FGF12: variants seen among roughly 807,000 people sequenced by gnomAD.
The protein encoded by FGF12 is fibroblast growth factor 12.
Under a neutral mutation model 23.6 loss-of-function variants are expected in FGF12, and 14 were observed. The observed-to-expected ratio is 0.59, with a 90% confidence interval of 0.39 to 0.93. The LOEUF (loss-of-function observed/expected upper bound fraction) is 0.93. Ranked by LOEUF, FGF12 falls within the 40% of genes least tolerant of loss-of-function variation. FGF12 has a pLI of 0.00. For synonymous variants in FGF12, 62 were observed against 77.3 expected (o/e 0.80, Z 1.04); for missense variants, 175 against 217.8 (o/e 0.80, Z 1.24).
intron 4 of FGF12, among the ~76,000 whole-genome samples, chr3:192,328,352 A>G (rs1003490003): frequency 6.6e-6 from 1 of 152,224 alleles, no homozygotes; most frequent in African/African-American, 2.4e-5. Flanking sequence ...CACATGCGCA[A>G]TGAATGAATC....
At chr3:192,354,689 T>C (rs905024715) in intron 3 of FGF12, among the ~76,000 whole-genome samples, 16 of 152,026 alleles carry the variant, frequency 1.1e-4, no homozygotes, top group African/African-American at 3.6e-4. Flanking sequence ...AAGAACCAAG[T>C]TTTTTGTTTG....
intron 4 of FGF12, among the ~76,000 whole-genome samples, chr3:192,192,520 TACAC>T (rs1716846827): frequency 6.7e-6 from 1 of 149,060 alleles, no homozygotes; most frequent in East Asian, 1.9e-4. Context: ...ATTATATATA[TACAC>T]ACACAGTGGG....
intron 2 of FGF12, among the ~76,000 whole-genome samples, chr3:192,580,588 ATT>A (rs536866184): frequency 7.2e-5 from 11 of 152,010 alleles, no homozygotes; most frequent in Non-Finnish European, 1.5e-4. Flanking sequence ...CAATAAAGAG[ATT>A]TTTTTGTTGT....
intron 4 of FGF12, among the ~76,000 whole-genome samples, chr3:192,218,179 T>C (rs1158674691): frequency 6.6e-6 from 1 of 152,154 alleles, no homozygotes; most frequent in Non-Finnish European, 1.5e-5. Context: ...TATTAATGGA[T>C]CTAAAAAGTG....
At chr3:192,628,273 C>G (rs1715248709) in intron 2 of FGF12, among the ~76,000 whole-genome samples, 1 of 151,960 alleles carries the variant, frequency 6.6e-6, no homozygotes, top group South Asian at 2.1e-4. Context: ...TAGGCTGTTT[C>G]TACTTCAGAG....
At chr3:192,222,195 G>T (rs1383328748) in intron 4 of FGF12, among the ~76,000 whole-genome samples, 4 of 152,146 alleles carry the variant, frequency 2.6e-5, no homozygotes, top group Non-Finnish European at 4.4e-5. Context: ...TTAGTGCTGA[G>T]TAGGTGAAAA....
chr3:192,281,567 T>C (rs1490242862), intron 4 of FGF12, among the ~76,000 whole-genome samples: 1 of 152,154 alleles, frequency 6.6e-6, no homozygotes, highest in African/African-American at 2.4e-5. Flanking sequence ...CATACACCTC[T>C]GAGAGACCCT....
intron 2 of FGF12, among the ~76,000 whole-genome samples, chr3:192,455,525 C>T (rs566626951): frequency 7.9e-4 from 121 of 152,292 alleles, no homozygotes; most frequent in African/African-American, 2.8e-3. Context: ...CCCTTCTGCA[C>T]ACAGGATCTC....
At chr3:192,190,895 T>C (rs535994849) in intron 4 of FGF12, among the ~76,000 whole-genome samples, 2 of 152,218 alleles carry the variant, frequency 1.3e-5, no homozygotes, top group Non-Finnish European at 2.9e-5. Flanking sequence ...TTATAAAGTA[T>C]CACGTATGTG....
rs541853103 is a variant in FGF12, at chr3:192,381,319, G to T, written c.14-20781C>A. ...AGACCACGTACATTCTGAAAAATAC[G>T]CACCAAATAAGGTGCAAGCAAAAAT... On this transcript the variant is annotated intron_variant, in intron 2 of 5. Transcript: ENST00000445105. Among the ~76,000 whole-genome samples, 59 of 152,190 alleles carry T rather than the reference G, an allele frequency of 3.9e-4. 2 individuals carry two copies. The South Asian group carries it at 8.5e-3, about 22-fold the overall frequency.
intron 4 of FGF12, among the ~76,000 whole-genome samples, chr3:192,331,985 C>T (rs1247284144): frequency 2.6e-5 from 4 of 152,050 alleles, no homozygotes; most frequent in Non-Finnish European, 5.9e-5. Flanking sequence ...CACACCTTCA[C>T]ACACAAAACA....
Position 192,662,710 on chromosome 3 carries a change from A to G in FGF12, c.13+64471T>C, listed in dbSNP as rs1278428564. Among the ~76,000 whole-genome samples, 16 of 152,326 alleles carry G rather than the reference A, an allele frequency of 1.1e-4. No individual in the cohort carries two copies. In the East Asian group the frequency reaches 2.3e-3, roughly 22 times the overall value. ...CCTCTAAGTATCATTTTCACTATCA[A>G]TAAGGACCCAGCCTTTATGCTAAGT... On this transcript the variant is annotated intron_variant, in intron 2 of 5. Coordinates refer to ENST00000445105, the MANE Select transcript of FGF12 (RefSeq NM_004113.6).
intron 2 of FGF12, among the ~76,000 whole-genome samples, chr3:192,376,020 T>C (rs1719477352): frequency 6.6e-6 from 1 of 152,180 alleles, no homozygotes; most frequent in South Asian, 2.1e-4. Flanking sequence ...AGAATCCACA[T>C]GATGGGAAAA....
At chr3:192,664,898 A>T (rs1716807840) in intron 2 of FGF12, among the ~76,000 whole-genome samples, 2 of 152,230 alleles carry the variant, frequency 1.3e-5, no homozygotes, top group Non-Finnish European at 1.5e-5. Flanking sequence ...AGTTTTACTA[A>T]CATTTAGTTT....
chr3:192,548,766 C>T (rs1725558544), intron 2 of FGF12, among the ~76,000 whole-genome samples: 1 of 152,036 alleles, frequency 6.6e-6, no homozygotes, highest in African/African-American at 2.4e-5. Context: ...CCTTCTAACA[C>T]ATTTACTGAT....
At chr3:192,462,412 G>C (rs1722891447) in intron 2 of FGF12, among the ~76,000 whole-genome samples, 1 of 152,094 alleles carries the variant, frequency 6.6e-6, no homozygotes, top group Non-Finnish European at 1.5e-5. Context: ...AGAGAGATCT[G>C]AGTTAGTATG....
At chr3:192,163,430 T>C (rs1714984984) in intron 5 of FGF12, among the ~76,000 whole-genome samples, 1 of 152,194 alleles carries the variant, frequency 6.6e-6, no homozygotes, top group Non-Finnish European at 1.5e-5. Context: ...CTTAATTTCA[T>C]GTCAGAGGGA....
intron 2 of FGF12, among the ~76,000 whole-genome samples, chr3:192,711,373 G>A (rs1718669960): frequency 6.6e-6 from 1 of 152,002 alleles, no homozygotes; most frequent in African/African-American, 2.4e-5. Flanking sequence ...GGAGGTGGGG[G>A]GCGCCTCTGC....
rs146707060 is a variant in FGF12, at chr3:192,638,920, T to C, written c.13+88261A>G. ...TAGAAACTTCCGAACCAAGGCAAAC[T>C]GAACCCTAAAAGATGTAGAAATTCA... On this transcript the variant is annotated intron_variant, in intron 2 of 5. Coordinates refer to ENST00000445105, the MANE Select transcript of FGF12 (RefSeq NM_004113.6). 7.2e-4 allele frequency among the ~76,000 whole-genome samples: 109 copies of C among 152,336 alleles called. 1 individual carries two copies. Among genetic ancestry groups the C allele is most frequent in the African/African-American group, 2.3e-3 (94 of 41,580 alleles).
Sources: allele counts gnomAD v4.1 joint callset (sites outside exome capture counted in the v4.1 genomes callset), GRCh38; gene constraint gnomAD v4.1.1; transcripts MANE v1.5; gene names NCBI Gene and HGNC (gene_info 2026-07-23, HGNC 2026-07-21).